GEN1: variants seen among roughly 807,000 people sequenced by gnomAD.
GEN1 encodes GEN1 structure-specific endonuclease.
In GEN1, 64 loss-of-function variants were observed where a neutral mutation model predicts 67.6. That is an observed-to-expected ratio of 0.95 (90% CI 0.77 to 1.17). GEN1 has a LOEUF of 1.17. GEN1 is among the 50% of genes most tolerant of loss of function. The probability of loss-of-function intolerance (pLI) is 0.00; values close to 1 mark genes in which losing one functional copy is unlikely to be tolerated. For missense variants in GEN1, 1,058 were observed against 1,048.3 expected (o/e 1.01, Z -0.13); for synonymous variants, 371 against 359.4 (o/e 1.03, Z -0.37).
intron 12 of GEN1, 64 bp from the exon 13 acceptor site, chr2:17,779,914 C>G (rs1282684436): frequency 1.5e-6 from 2 of 1,359,232 alleles, no homozygotes; most frequent in Non-Finnish European, 2.1e-6. Flanking sequence ...GCCATCAAGC[C>G]TGACCGATTG....
Position 17,773,223 on chromosome 2 carries a change from T to C in GEN1, c.995T>C (p.Ile332Thr). The C allele has an allele frequency of 6.3e-7, 1 of 1,593,730 alleles. No individual in the cohort carries two copies. Among genetic ancestry groups the C allele is most frequent in the Non-Finnish European group, 8.6e-7 (1 of 1,165,630 alleles). Residue 332 changes from isoleucine (I) to threonine (T), a missense_variant, in exon 10 of 14, where the codon ATT (isoleucine) becomes ACT (threonine). Transcript: ENST00000381254. ...TATTTTCTTTTTTCTTGCTAGGTTA[T>C]TCAAGAATTCCTTTTAAACAAGGAT... ...CCEGFPFHEV[I>T]QEFLLNKDKL...
At chr2:17,779,223 T>C (rs1305701150) in intron 12 of GEN1, among the ~76,000 whole-genome samples, 1 of 152,188 alleles carries the variant, frequency 6.6e-6, no homozygotes, top group African/African-American at 2.4e-5. Context: ...GCGCCCAGCC[T>C]GGAAAGTAGT....
chr2:17,758,324 A>G (rs1572387745), intron 1 of GEN1, among the ~76,000 whole-genome samples: 1 of 152,352 alleles, frequency 6.6e-6, no homozygotes, highest in Non-Finnish European at 1.5e-5. Flanking sequence ...ATTGTCTTCG[A>G]TAGCAATCTA....
chr2:17,767,386 T>C (rs962988485), intron 5 of GEN1, among the ~76,000 whole-genome samples: 2 of 152,216 alleles, frequency 1.3e-5, no homozygotes, highest in African/African-American at 4.8e-5. Context: ...TCATTTTACC[T>C]CTATTCCCAA....
chr2:17,769,439 G>A (rs1407364841), intron 6 of GEN1, among the ~76,000 whole-genome samples: 1 of 152,032 alleles, frequency 6.6e-6, no homozygotes, highest in Non-Finnish European at 1.5e-5. Context: ...ACAATGTCAA[G>A]TGCATTTATG....
Position 17,780,632 on chromosome 2 carries a change from A to G in GEN1, c.1420A>G (p.Lys474Glu). The change falls in exon 14 of 14, where the codon AAA becomes GAA. Residue 474 changes from lysine to glutamate, a missense_variant. By Grantham distance (56) the Lys-to-Glu change is moderately conservative (BLOSUM62 1). Coordinates refer to ENST00000381254, the MANE Select transcript of GEN1 (RefSeq NM_001130009.3). ...KGKKQKRIKP[K>E]ENNLPEPDEV... ...TTTTTTCTTTTCAGGTATTAAGCCT[A>G]AAGAAAACAATTTGCCAGAACCAGA... The G allele has an allele frequency of 6.3e-7, 1 of 1,579,524 alleles. No individual in the cohort carries two copies. Among genetic ancestry groups the G allele is most frequent in the Non-Finnish European group, 8.6e-7 (1 of 1,164,038 alleles).
At chr2:17,761,990 T>G (rs16983829) in intron 3 of GEN1, among the ~76,000 whole-genome samples, 2 of 152,022 alleles carry the variant, frequency 1.3e-5, no homozygotes, top group Admixed American at 1.3e-4. Context: ...CTTCACTCAT[T>G]CAGAATTCAT....
chr2:17,780,273 C>CT (rs1402174922), intron 13 of GEN1, 152 bp downstream of exon 13: 1 of 676,624 alleles, frequency 1.5e-6, no homozygotes, highest in Non-Finnish European at 2.4e-6. Flanking sequence ...TCTTCACATA[C>CT]TTTCTTTTAA....
Position 17,788,579 on chromosome 2 carries a change from T to G in GEN1, c.*6640T>G, listed in dbSNP as rs1484125222. 1 of 152,202 alleles carries G rather than the reference T, an allele frequency of 6.6e-6. No homozygotes were observed. Among genetic ancestry groups the G allele is most frequent in the Non-Finnish European group, 1.5e-5 (1 of 68,036 alleles). 9.4% of individuals were successfully genotyped at this position (152,202 alleles called of 1,614,324 possible). ...AAGTGTCTGAGCTTCCTTAGCATTA[T>G]TCTATTCCAAGACCCAAAAAGGAAA... On this transcript the variant is annotated 3_prime_UTR_variant, in exon 14 of 14. Coordinates refer to ENST00000381254, the MANE Select transcript of GEN1 (RefSeq NM_001130009.3).
chr2:17,759,776 GTTC>G (rs2125119017), intron 1 of GEN1, 150 bp from the exon 2 acceptor site: 1 of 568,204 alleles, frequency 1.8e-6, no homozygotes, highest in African/African-American at 1.9e-5. Context: ...CGTTTCAGGT[GTTC>G]TTAATTCATT....
chr2:17,769,850 AGGACACTG>A (rs943200701), intron 6 of GEN1, among the ~76,000 whole-genome samples: 1 of 152,200 alleles, frequency 6.6e-6, no homozygotes, highest in African/African-American at 2.4e-5. Flanking sequence ...GAAAGGAACT[AGGACACTG>A]GGAAACTTAA....
At chr2:17,770,672 T>C (rs1672137753) in intron 6 of GEN1, among the ~76,000 whole-genome samples, 1 of 152,142 alleles carries the variant, frequency 6.6e-6, no homozygotes, top group East Asian at 1.9e-4. Context: ...AATGTTTTGC[T>C]CTTTGCACAA....
chr2:17,781,262 T>C lies in GEN1; in HGVS notation c.2050T>C (p.Tyr684His). The change falls in exon 14 of 14, where the codon TAT becomes CAT. Residue 684 changes from tyrosine (Y) to histidine (H), a missense_variant. Tyr to His is a moderately conservative substitution (Grantham distance 83, BLOSUM62 2). Coordinates refer to ENST00000381254, the MANE Select transcript of GEN1 (RefSeq NM_001130009.3). Reference sequence around the variant, plus strand: ...GGAACGAATATTTACAAAATTATCATATCCTCAGGATAATCTACAACCAGA... The same window carrying C: ...GGAACGAATATTTACAAAATTATCACATCCTCAGGATAATCTACAACCAGA... ...LKERIFTKLS[Y>H]PQDNLQPDVN... 1.2e-6 allele frequency: 2 copies of C among 1,613,602 alleles called. No homozygotes were observed. Among genetic ancestry groups the C allele is most frequent in the East Asian group, 2.2e-5 (1 of 44,854 alleles).
At position 17,782,561 on chromosome 2, in the gene GEN1, A is replaced by G. The variant is rs1182995823; in HGVS notation, c.*622A>G. ...GGGCAAAAATAGAAAAGGAGAGAAG[A>G]TGTCAGTATGTTTAGTAAAAATCAT... On this transcript the variant is annotated 3_prime_UTR_variant, in exon 14 of 14. Transcript: ENST00000381254. 6.6e-6 allele frequency: 1 copy of G among 152,240 alleles called. No individual in the cohort carries two copies. The highest frequency in any genetic ancestry group is 1.9e-4 in the East Asian group (1 of 5,202). The allele number at this position is 152,240 out of a possible 1,614,324, so 9.4% of individuals were successfully genotyped here.
rs1671940770 is a variant in GEN1, at chr2:17,766,502, C to T, written c.526-77C>T. 4 of 791,826 alleles carry T rather than the reference C, an allele frequency of 5.1e-6. No individual in the cohort carries two copies. In the East Asian group the frequency reaches 7.9e-5, roughly 16 times the overall value. 49.1% of individuals were successfully genotyped at this position (791,826 alleles called of 1,614,324 possible). ...ATTAAACATTTAAAGATAACATTGA[C>T]AAATTATTTTTGTAATGTGGTTTAA... On this transcript the variant is annotated intron_variant, in intron 4 of 13. Transcript: ENST00000381254.
At chr2:17,774,437 T>C in intron 11 of GEN1, 36 bp downstream of exon 11, 1 of 1,518,714 alleles carries the variant, frequency 6.6e-7, no homozygotes, top group Non-Finnish European at 8.8e-7. Context: ...GGTGGTGTTT[T>C]TACTTGAGTA....
intron 5 of GEN1, among the ~76,000 whole-genome samples, chr2:17,768,160 T>TA (rs913471542): frequency 3.3e-5 from 5 of 152,206 alleles, no homozygotes; most frequent in African/African-American, 9.6e-5. Context: ...TTCATACACT[T>TA]ATAGGGGCTG....
rs1455556469 is a variant in GEN1 at position 17,780,760 on chromosome 2, A to G, written c.1548A>G (p.Thr516=). ...KLNSGISPDP[T]LPQESISASL... is the part of the protein sequence containing the mutation. ...ATTCGGGGATTTCCCCTGATCCTAC[A>G]TTACCACAGGAATCTATTTCTGCCT... Residue 516 remains threonine, a synonymous_variant, in exon 14 of 14, where the codon ACA becomes ACG. Coordinates refer to ENST00000381254, the MANE Select transcript of GEN1 (RefSeq NM_001130009.3). 4 of 1,613,910 alleles carry G rather than the reference A, an allele frequency of 2.5e-6. No individual in the cohort carries two copies. Among genetic ancestry groups the G allele is most frequent in the African/African-American group, 1.3e-5 (1 of 74,930 alleles).
Position 17,781,658 on chromosome 2 carries a change from ACAACT to A in GEN1, c.2450_2454del (p.Thr817LysfsTer10), listed in dbSNP as rs1672844413. 3.1e-6 allele frequency: 5 copies of A among 1,614,076 alleles called. No individual in the cohort carries two copies. Among genetic ancestry groups the A allele is most frequent in the Non-Finnish European group, 4.2e-6 (5 of 1,179,956 alleles). ...CCCAGTGTTTGGGAAAGCTAAGTAC[ACAACT>A]CAAAGAATGAAGCACAGTTCTCAAA... On this transcript the variant is annotated frameshift_variant, in exon 14 of 14. Coordinates refer to ENST00000381254, the MANE Select transcript of GEN1 (RefSeq NM_001130009.3). LOFTEE classifies it low-confidence loss of function (END_TRUNC).
Sources: gnomAD v4.1 joint callset for allele counts (sites outside exome capture counted in the v4.1 genomes callset) on GRCh38, gnomAD v4.1.1 for gene constraint, MANE v1.5 for transcripts, NCBI Gene and HGNC (gene_info 2026-07-23, HGNC 2026-07-21) for gene names.